The following P2RY2 variants were observed in gnomAD, a reference collection of about 807,000 sequenced individuals.
P2RY2 encodes the protein purinergic receptor P2Y2.
For synonymous variants in P2RY2, 241 were observed against 231.9 expected (o/e 1.04, Z -0.35); for missense variants, 567 against 515.7 (o/e 1.10, Z -0.96).
Position 73,234,811 on chromosome 11 carries a change from T to TA in P2RY2, c.653dup (p.Tyr218Ter). Reference protein sequence around the residue: ...AVPFAVILVCYVLMARRLLKP... With the variant: ...AVPFAVILVC ...GCCCTTTGCCGTCATCCTTGTCTGT[T>TA]ACGTGCTCATGGCTCGGCGACTGCT... The change falls in exon 3 of 3, where the codon TAC becomes TAAC. Residue 218 changes from tyrosine to a stop codon, truncating the protein, a stop_gained and frameshift_variant. Coordinates refer to ENST00000393597, the MANE Select transcript of P2RY2 (RefSeq NM_002564.4). LOFTEE classifies it low-confidence loss of function (END_TRUNC). The TA allele has an allele frequency of 6.2e-7, 1 of 1,611,926 alleles. No homozygotes were observed. The highest frequency in any genetic ancestry group is 8.5e-7 in the Non-Finnish European group (1 of 1,179,970).
rs1394765774 is a variant in P2RY2, at chr11:73,236,113, G to A, written c.*820G>A. On this transcript the variant is annotated 3_prime_UTR_variant, in exon 3 of 3. Coordinates refer to ENST00000393597, the MANE Select transcript of P2RY2 (RefSeq NM_002564.4). ...GCCCCAGGTCATCCCCCACTGTAAA[G>A]CCAGTTGGCTTCTGTGCCTGACTCT... 2 of 999,770 alleles carry A rather than the reference G, an allele frequency of 2.0e-6. No homozygotes were observed. Among genetic ancestry groups the A allele is most frequent in the Admixed American group, 6.1e-5 (1 of 16,270 alleles). The allele number at this position is 999,770 out of a possible 1,614,324, so 61.9% of individuals were successfully genotyped here. A position where few individuals can be genotyped will look rare whatever the true frequency, so the allele number is the denominator to read the frequency against.
intron 2 of P2RY2, among the ~76,000 whole-genome samples, chr11:73,231,414 A>G (rs976057743): frequency 2.7e-5 from 4 of 145,498 alleles, no homozygotes; most frequent in African/African-American, 7.5e-5. Flanking sequence ...AAAAAAAGCT[A>G]GGTGAGGTGG....
chr11:73,223,488 A>G (rs1191458215), intron 1 of P2RY2, among the ~76,000 whole-genome samples: 1 of 150,750 alleles, frequency 6.6e-6, no homozygotes, highest in Non-Finnish European at 1.5e-5. Flanking sequence ...AGGACAGTTC[A>G]TGATTTGCTA....
In P2RY2 at chr11:73,236,531, A is replaced by G. The variant is rs1458885870; in HGVS notation, c.*1238A>G. ...GCTCACCGGAAGAACATCCACACAC[A>G]GGATGCATCCCAGGCAAAGACATGG... On this transcript the variant is annotated 3_prime_UTR_variant, in exon 3 of 3. Transcript: ENST00000393597. 1.0e-6 allele frequency: 1 copy of G among 981,034 alleles called. No homozygotes were observed. Among genetic ancestry groups the G allele is most frequent in the Non-Finnish European group, 1.2e-6 (1 of 826,142 alleles). 60.8% of individuals were successfully genotyped at this position (981,034 alleles called of 1,614,324 possible). A position where few individuals can be genotyped will look rare whatever the true frequency, so the allele number is the denominator to read the frequency against.
rs761836446 is a variant in P2RY2 at position 73,218,290 on chromosome 11, G to C, written c.-342G>C. On this transcript the variant is annotated 5_prime_UTR_variant, in exon 1 of 3. Coordinates refer to ENST00000393597, the MANE Select transcript of P2RY2 (RefSeq NM_002564.4). ...CCCGCCCCCTGCCTGGCCCGGCTTCGGGGTTGGGGAACAGCGCAGGGAGGT... is the reference window on the plus strand; with the variant it reads ...CCCGCCCCCTGCCTGGCCCGGCTTCCGGGTTGGGGAACAGCGCAGGGAGGT... 3 of 152,342 alleles carry C rather than the reference G, an allele frequency of 2.0e-5. No individual in the cohort carries two copies. Among genetic ancestry groups the C allele is most frequent in the Non-Finnish European group, 4.4e-5 (3 of 68,132 alleles). 9.4% of individuals were successfully genotyped at this position (152,342 alleles called of 1,614,324 possible).
rs10898909 is a variant in P2RY2, at chr11:73,241,451, G to A, written c.*6158G>A. ...CAATACCTCTTTTCCCGGTTTACTA[G>A]ACAGAGACAATGCAGTGAGGCACAA... On this transcript the variant is annotated 3_prime_UTR_variant, in exon 3 of 3. Transcript: ENST00000393597. The A allele has an allele frequency of 0.21, 32,455 of 152,542 alleles. 4,496 individuals are homozygous for A. Among genetic ancestry groups the A allele is most frequent in the East Asian group, 0.51 (2,659 of 5,208 alleles). 9.4% of individuals were successfully genotyped at this position (152,542 alleles called of 1,614,324 possible).
In P2RY2 at chr11:73,234,639, G is replaced by T. The variant is rs1425915500; in HGVS notation, c.480G>T (p.Leu160Phe). 6.4e-7 allele frequency: 1 copy of T among 1,574,722 alleles called. No individual in the cohort carries two copies. Among genetic ancestry groups the T allele is most frequent in the Non-Finnish European group, 8.6e-7 (1 of 1,159,494 alleles). ...ARRVAGAVWVLVLACQAPVLY... is the reference protein window; with the variant it reads ...ARRVAGAVWVFVLACQAPVLY... ...GGGTGGCCGGGGCCGTGTGGGTGTT[G>T]GTGCTGGCCTGCCAGGCCCCCGTGC... is the stretch of plus-strand genomic sequence containing the variant. The change falls in exon 3 of 3, where the codon TTG becomes TTT. Residue 160 changes from leucine (L) to phenylalanine (F), a missense_variant. Physicochemically the swap from Leu to Phe is conservative, Grantham distance 22. Coordinates refer to ENST00000393597, the MANE Select transcript of P2RY2 (RefSeq NM_002564.4).
At position 73,229,509 on chromosome 11, in the gene P2RY2, G is replaced by A. The variant is rs536069078; in HGVS notation, c.-5+1334G>A. Among the ~76,000 whole-genome samples the A allele has an allele frequency of 3.3e-5, 5 of 152,176 alleles. No individual in the cohort carries two copies. The East Asian group carries it at 7.8e-4, about 24-fold the overall frequency. On this transcript the variant is annotated intron_variant, in intron 2 of 2. Coordinates refer to ENST00000393597, the MANE Select transcript of P2RY2 (RefSeq NM_002564.4). The stretch of plus-strand genomic sequence containing the variant: ...GGACTTGGCTGTCCCTCTAAGGCAG[G>A]GGCTGTCCCTCTAAGGCAGGGCTAG...
In P2RY2 at chr11:73,236,024, TCTGCCAC is replaced by T; in HGVS notation, c.*737_*743del. On this transcript the variant is annotated 3_prime_UTR_variant, in exon 3 of 3. Coordinates refer to ENST00000393597, the MANE Select transcript of P2RY2 (RefSeq NM_002564.4). The stretch of plus-strand genomic sequence containing the variant: ...GGGTCCTTTCTCCAATCCGTTCCCT[TCTGCCAC>T]CTGCCTTCTCACTAGCTGTCTCAGG... 1 of 1,000,334 alleles carries T rather than the reference TCTGCCAC, an allele frequency of 1.0e-6. No individual in the cohort carries two copies. The highest frequency in any genetic ancestry group is 1.2e-6 in the Non-Finnish European group (1 of 830,040). 62.0% of individuals were successfully genotyped at this position (1,000,334 alleles called of 1,614,324 possible).
intron 2 of P2RY2, 172 bp from the exon 3 acceptor site, chr11:73,233,984 A>T (rs1862536403): frequency 1.4e-6 from 1 of 713,468 alleles, no homozygotes; most frequent in African/African-American, 1.8e-5. Flanking sequence ...CAATTGTGTG[A>T]TCCTGATATT....
intron 2 of P2RY2, among the ~76,000 whole-genome samples, chr11:73,232,336 T>C (rs988994171): frequency 4.6e-5 from 7 of 152,184 alleles, no homozygotes; most frequent in Admixed American, 4.6e-4. Context: ...ACTTACATGA[T>C]CTGTATCTTA....
At position 73,237,493 on chromosome 11, in the gene P2RY2, C is replaced by G. The variant is rs758433053; in HGVS notation, c.*2200C>G. Among the ~76,000 whole-genome samples the G allele has an allele frequency of 6.6e-6, 1 of 152,214 alleles. No homozygotes were observed. Among genetic ancestry groups the G allele is most frequent in the African/African-American group, 2.4e-5 (1 of 41,442 alleles). ...AAACTCCTGACCTCAAGTGATCCAC[C>G]TGCCTCAGCCTCCCAAAGTGCTGGG... On this transcript the variant is annotated 3_prime_UTR_variant, in exon 3 of 3. Coordinates refer to ENST00000393597, the MANE Select transcript of P2RY2 (RefSeq NM_002564.4).
rs530654821 is a variant in P2RY2, at chr11:73,236,248, G to A, written c.*955G>A. On this transcript the variant is annotated 3_prime_UTR_variant, in exon 3 of 3. Coordinates refer to ENST00000393597, the MANE Select transcript of P2RY2 (RefSeq NM_002564.4). ...TGTTAAGCCATTTAACTGGAGCTCCGATTTAACTGGGAACCCCTTCTTTGT... is the reference window on the plus strand; with the variant it reads ...TGTTAAGCCATTTAACTGGAGCTCCAATTTAACTGGGAACCCCTTCTTTGT... The A allele has an allele frequency of 8.1e-5, 73 of 898,548 alleles. No homozygotes were observed. In the East Asian group the frequency reaches 1.2e-3, roughly 15 times the overall value. 55.7% of individuals were successfully genotyped at this position (898,548 alleles called of 1,614,324 possible).
chr11:73,223,556 G>A (rs1375756055), intron 1 of P2RY2, among the ~76,000 whole-genome samples: 1 of 152,186 alleles, frequency 6.6e-6, no homozygotes, highest in African/African-American at 2.4e-5. Flanking sequence ...GTCCCATGCA[G>A]CAGTGATTCT....
At position 73,234,496 on chromosome 11, in the gene P2RY2, T is replaced by G. The variant is rs762696249; in HGVS notation, c.337T>G (p.Phe113Val). 6.2e-7 allele frequency: 1 copy of G among 1,613,834 alleles called. No homozygotes were observed. The highest frequency in any genetic ancestry group is 8.5e-7 in the Non-Finnish European group (1 of 1,179,878). The part of the protein sequence containing the change: ...TVLCKLVRFL[F>V]YTNLYCSILF... ...GCTCTGCAAGCTGGTGCGCTTCCTC[T>G]TCTACACCAACCTTTACTGCAGCAT... The change falls in exon 3 of 3, where the codon TTC (phenylalanine) becomes GTC (valine). Residue 113 changes from phenylalanine to valine, a missense_variant. Transcript: ENST00000393597.
In P2RY2 at chr11:73,237,216, A is replaced by C. The variant is rs1591643178; in HGVS notation, c.*1923A>C. 1 of 633,020 alleles carries C rather than the reference A, an allele frequency of 1.6e-6. No individual in the cohort carries two copies. The highest frequency in any genetic ancestry group is 2.0e-6 in the Non-Finnish European group (1 of 508,710). 39.2% of individuals were successfully genotyped at this position (633,020 alleles called of 1,614,324 possible). On this transcript the variant is annotated 3_prime_UTR_variant, in exon 3 of 3. Transcript: ENST00000393597. Reference sequence around the variant, plus strand: ...TCACCTCTCACCTTCTAGGTTCTATACTTCTGTTAATGTAGCCGATGTCCT... The same window carrying C: ...TCACCTCTCACCTTCTAGGTTCTATCCTTCTGTTAATGTAGCCGATGTCCT...
chr11:73,234,574 C>T lies in P2RY2; in HGVS notation c.415C>T (p.Leu139=), dbSNP rs779905419. 2.5e-6 allele frequency: 4 copies of T among 1,577,118 alleles called. No individual in the cohort carries two copies. The African/African-American group carries it at 5.4e-5, about 21-fold the overall frequency. The part of the protein sequence containing the change: ...VHRCLGVLRP[L]RSLRWGRARY... ...CCGGTGTCTGGGCGTCTTACGACCT[C>T]TGCGCTCCCTGCGCTGGGGCCGGGC... The change falls in exon 3 of 3, where the codon CTG becomes TTG. Residue 139 remains leucine (L), a synonymous_variant. Transcript: ENST00000393597.
At chr11:73,224,328 A>G (rs532053068) in intron 1 of P2RY2, among the ~76,000 whole-genome samples, 1 of 152,290 alleles carries the variant, frequency 6.6e-6, no homozygotes, top group East Asian at 1.9e-4. Flanking sequence ...CAAACGTGTC[A>G]TGTCATCTCT....
At chr11:73,222,533 G>A (rs889023154) in intron 1 of P2RY2, among the ~76,000 whole-genome samples, 2 of 152,080 alleles carry the variant, frequency 1.3e-5, no homozygotes, top group Non-Finnish European at 2.9e-5. Context: ...CCTGGCATTT[G>A]AGCCTTTTCA....
Sources: allele counts gnomAD v4.1 joint callset (sites outside exome capture counted in the v4.1 genomes callset), GRCh38; gene constraint gnomAD v4.1.1; transcripts MANE v1.5; gene names NCBI Gene and HGNC (gene_info 2026-07-23, HGNC 2026-07-21).